Variants in ARL8B observed in about 807,000 individuals in gnomAD.
ARL8B encodes the protein ARF like GTPase 8B, also known as ADP-ribosylation factor-like protein 8B.
Under a neutral mutation model 30.6 loss-of-function variants are expected in ARL8B, and 9 were observed. The observed-to-expected ratio is 0.29, with a 90% CI of 0.18 to 0.51. The LOEUF is 0.51. Among genes scored for constraint, ARL8B ranks in the 20% least tolerant of loss-of-function variants. The pLI is 0.97. For synonymous variants in ARL8B, 74 were observed against 76.0 expected, an observed-to-expected ratio of 0.97 and a Z score of 0.14; for missense variants, 130 against 227.2, an observed-to-expected ratio of 0.57 and a Z score of 2.75.
At chr3:5,130,371 A>G (rs1446717813) in intron 1 of ARL8B, among the ~76,000 whole-genome samples, 1 of 151,830 alleles carries the variant, frequency 6.6e-6, no homozygotes, top group Non-Finnish European at 1.5e-5. Context: ...CAAGCCATGT[A>G]AATATAAATA....
intron 1 of ARL8B, among the ~76,000 whole-genome samples, chr3:5,162,220 A>T (rs1167041797): frequency 6.6e-6 from 1 of 152,248 alleles, no homozygotes; most frequent in Non-Finnish European, 1.5e-5. Flanking sequence ...AGCTATAGCC[A>T]CTTCTTCATC....
intron 1 of ARL8B, among the ~76,000 whole-genome samples, chr3:5,139,509 G>GT (rs944694916): frequency 1.3e-5 from 2 of 152,136 alleles, no homozygotes; most frequent in East Asian, 1.9e-4. Flanking sequence ...ACATTTATAA[G>GT]TTTTTTTATT....
At chr3:5,125,788 C>T (rs1488398529) in intron 1 of ARL8B, among the ~76,000 whole-genome samples, 1 of 152,168 alleles carries the variant, frequency 6.6e-6, no homozygotes, top group African/African-American at 2.4e-5. Context: ...CTGCCTTGGT[C>T]TCCCAAAATG....
intron 1 of ARL8B, among the ~76,000 whole-genome samples, chr3:5,163,662 G>C (rs1463388783): frequency 6.6e-6 from 1 of 152,196 alleles, no homozygotes; most frequent in Non-Finnish European, 1.5e-5. Context: ...CTGAGGTCAG[G>C]AGTTCAAGAC....
At chr3:5,167,928 A>G (rs1004814072) in intron 1 of ARL8B, among the ~76,000 whole-genome samples, 1 of 152,206 alleles carries the variant, frequency 6.6e-6, no homozygotes, top group Non-Finnish European at 1.5e-5. Context: ...AAAAGTGATG[A>G]TTAAGATTGG....
intron 6 of ARL8B, among the ~76,000 whole-genome samples, chr3:5,176,531 C>T (rs1474968307): frequency 1.3e-5 from 2 of 152,176 alleles, no homozygotes; most frequent in East Asian, 3.9e-4. Flanking sequence ...CACGCCCAGC[C>T]ACAAATATGC....
At chr3:5,136,840 C>G (rs1198766436) in intron 1 of ARL8B, among the ~76,000 whole-genome samples, 1 of 152,076 alleles carries the variant, frequency 6.6e-6, no homozygotes, top group South Asian at 2.1e-4. Flanking sequence ...CTCCTTTCCC[C>G]CTAGATGGCA....
intron 1 of ARL8B, among the ~76,000 whole-genome samples, chr3:5,151,055 T>G (rs1015093730): frequency 2.0e-5 from 3 of 152,188 alleles, no homozygotes; most frequent in African/African-American, 7.2e-5. Context: ...ATGTCCTTAC[T>G]GATATTGGTG....
At chr3:5,148,192 G>A (rs545786233) in intron 1 of ARL8B, among the ~76,000 whole-genome samples, 11 of 151,904 alleles carry the variant, frequency 7.2e-5, no homozygotes, top group Non-Finnish European at 1.3e-4. Flanking sequence ...TGGTCCAGCT[G>A]GACTGCTAAA....
intron 1 of ARL8B, among the ~76,000 whole-genome samples, chr3:5,161,514 G>A (rs1421899480): frequency 1.3e-5 from 2 of 152,204 alleles, no homozygotes; most frequent in African/African-American, 2.4e-5. Context: ...CTAAAGGCTA[G>A]CTGTTCGGGA....
At chr3:5,175,370 C>T (rs1383849076) in intron 6 of ARL8B, among the ~76,000 whole-genome samples, 1 of 152,018 alleles carries the variant, frequency 6.6e-6, no homozygotes, top group Non-Finnish European at 1.5e-5. Flanking sequence ...TATGTGATAC[C>T]AATTTATTGT....
chr3:5,151,621 T>G (rs1158218228), intron 1 of ARL8B, among the ~76,000 whole-genome samples: 1 of 152,202 alleles, frequency 6.6e-6, no homozygotes, highest in Non-Finnish European at 1.5e-5. Flanking sequence ...AGCTTTATAT[T>G]AATTATTTCT....
chr3:5,142,796 G>A (rs538178895), intron 1 of ARL8B, among the ~76,000 whole-genome samples: 31 of 152,290 alleles, frequency 2.0e-4, no homozygotes, highest in African/African-American at 6.7e-4. Flanking sequence ...TCCCTGTGAT[G>A]TCTGCCCCTC....
chr3:5,149,418 A>T (rs2054458113), intron 1 of ARL8B, among the ~76,000 whole-genome samples: 1 of 152,208 alleles, frequency 6.6e-6, no homozygotes, highest in Non-Finnish European at 1.5e-5. Flanking sequence ...AGAAACACAC[A>T]TTCACCCATG....
intron 2 of ARL8B, among the ~76,000 whole-genome samples, chr3:5,171,342 A>G (rs912249413): frequency 6.6e-6 from 1 of 152,110 alleles, no homozygotes; most frequent in Non-Finnish European, 1.5e-5. Flanking sequence ...TGTGCATAAA[A>G]TAATTTTATT....
intron 4 of ARL8B, among the ~76,000 whole-genome samples, chr3:5,173,128 G>A (rs1248946002): frequency 6.6e-6 from 1 of 152,198 alleles, no homozygotes; most frequent in African/African-American, 2.4e-5. Flanking sequence ...GTAATTTAGA[G>A]GGGAGATGTG....
At chr3:5,165,230 T>C (rs992135533) in intron 1 of ARL8B, among the ~76,000 whole-genome samples, 1 of 152,076 alleles carries the variant, frequency 6.6e-6, no homozygotes, top group Non-Finnish European at 1.5e-5. Flanking sequence ...TCTTATTACC[T>C]TCCTTTTAAG....
chr3:5,172,731 A>G lies in ARL8B; in HGVS notation c.363A>G (p.Gln121=). 1 of 1,595,096 alleles carries G rather than the reference A, an allele frequency of 6.3e-7. No homozygotes were observed. Among genetic ancestry groups the G allele is most frequent in the Non-Finnish European group, 8.6e-7 (1 of 1,164,456 alleles). The change falls in exon 4 of 7, where the codon CAA becomes CAG. Residue 121 remains glutamine (Q), a synonymous_variant. Transcript: ENST00000256496. The part of the protein sequence containing the change: ...LHNLLDKPQL[Q]GIPVLVLGNK... ...ATCTTCTAGATAAACCACAGTTACA[A>G]GGAATTCCAGTAAGTATGGAATACT...
chr3:5,164,484 A>G (rs2054607633), intron 1 of ARL8B, among the ~76,000 whole-genome samples: 1 of 152,226 alleles, frequency 6.6e-6, no homozygotes, highest in South Asian at 2.1e-4. Flanking sequence ...AACAGCACTC[A>G]TACCCCTTTC....
Sources: allele counts gnomAD v4.1 joint callset (sites outside exome capture counted in the v4.1 genomes callset), GRCh38; gene constraint gnomAD v4.1.1; transcripts MANE v1.5; gene names NCBI Gene and HGNC (gene_info 2026-07-23, HGNC 2026-07-21).